The following NCOA6 variants were observed in gnomAD, a reference collection of about 807,000 sequenced individuals.
NCOA6 encodes the protein nuclear receptor coactivator 6, also known as NRC RAP250.
In NCOA6, 49 loss-of-function variants were observed where a neutral mutation model predicts 171.4. That is an observed-to-expected ratio of 0.29 (90% CI 0.23 to 0.36). The LOEUF (loss-of-function observed/expected upper bound fraction) is 0.36, where lower values mean the gene tolerates loss of function less well. Ranked by LOEUF, NCOA6 falls within the 10% of genes least tolerant of loss-of-function variation. The pLI, the probability that NCOA6 is intolerant of heterozygous loss-of-function variation, is 1.00. For synonymous variants in NCOA6, 910 were observed against 927.5 expected (o/e 0.98, Z 0.34); for missense variants, 2,248 against 2,554.5 (o/e 0.88, Z 2.59).
At chr20:34,731,607 T>C (rs956315877) in intron 13 of NCOA6, among the ~76,000 whole-genome samples, 9 of 152,194 alleles carry the variant, frequency 5.9e-5, no homozygotes, top group Non-Finnish European at 1.0e-4. Context: ...TTCAAATAAA[T>C]GGTGGCTATT....
At chr20:34,774,458 C>T (rs1485720929) in intron 4 of NCOA6, among the ~76,000 whole-genome samples, 1 of 152,224 alleles carries the variant, frequency 6.6e-6, no homozygotes, top group Non-Finnish European at 1.5e-5. Flanking sequence ...ATTTCTCAAT[C>T]TACATATAAC....
rs73610870 is a variant in NCOA6 at position 34,755,708 on chromosome 20, T to G, written c.1529-840A>C. 1.8e-4 allele frequency among the ~76,000 whole-genome samples: 28 copies of G among 152,308 alleles called. No individual in the cohort carries two copies. The East Asian group carries it at 5.4e-3, about 29-fold the overall frequency. ...TCAAGACCTAAACTCACTTAAAAAT[T>G]TATTACATTCATTCATTTATTTATT... On this transcript the variant is annotated intron_variant, in intron 7 of 14. Transcript: ENST00000359003.
At position 34,790,539 on chromosome 20, in the gene NCOA6, TAA is replaced by T. The variant is rs1568858410; in HGVS notation, c.-50+1909_-50+1910del. Among the ~76,000 whole-genome samples, 4 of 152,100 alleles carry T rather than the reference TAA, an allele frequency of 2.6e-5. No homozygotes were observed. The East Asian group carries it at 7.7e-4, about 29-fold the overall frequency. On this transcript the variant is annotated intron_variant, in intron 2 of 14. Transcript: ENST00000359003. ...CCAGCTAATTTTTTTGCATTTTTAG[TAA>T]AGACAGGGTTTCACCGTGTTAGCCA...
At chr20:34,751,553 C>T (rs2076488982) in intron 8 of NCOA6, among the ~76,000 whole-genome samples, 1 of 151,978 alleles carries the variant, frequency 6.6e-6, no homozygotes, top group South Asian at 2.1e-4. Context: ...CAGGTGTCCT[C>T]TGCCCTGATG....
intron 1 of NCOA6, among the ~76,000 whole-genome samples, chr20:34,822,453 C>T (rs2079034682): frequency 6.6e-6 from 1 of 152,168 alleles, no homozygotes; most frequent in Non-Finnish European, 1.5e-5. Context: ...ATTCCTGTAT[C>T]TTTTAGGACA....
At chr20:34,758,586 A>G (rs959454627) in intron 6 of NCOA6, among the ~76,000 whole-genome samples, 4 of 152,218 alleles carry the variant, frequency 2.6e-5, no homozygotes, top group Admixed American at 2.0e-4. Flanking sequence ...GCCAAGGCAC[A>G]CTTTTAGAAA....
intron 12 of NCOA6, among the ~76,000 whole-genome samples, chr20:34,735,358 T>C (rs926869561): frequency 1.3e-5 from 2 of 152,022 alleles, no homozygotes; most frequent in African/African-American, 4.8e-5. Context: ...AGAATCTGGG[T>C]GGCTGGGCCG....
At chr20:34,821,232 G>A (rs1328386114) in intron 1 of NCOA6, 2 of 152,096 alleles carry the variant, frequency 1.3e-5, no homozygotes, top group East Asian at 1.9e-4. Flanking sequence ...TCTCTGTCAC[G>A]ACTACTCAAC....
chr20:34,766,411 G>A (rs1266112768), intron 5 of NCOA6, among the ~76,000 whole-genome samples: 1 of 152,000 alleles, frequency 6.6e-6, no homozygotes, highest in Non-Finnish European at 1.5e-5. Flanking sequence ...GAGCCCAGGA[G>A]TTCAACCAGC....
At chr20:34,782,601 C>A (rs912673463) in intron 2 of NCOA6, among the ~76,000 whole-genome samples, 197 bp from the exon 3 acceptor site, 1 of 152,074 alleles carries the variant, frequency 6.6e-6, no homozygotes, top group Admixed American at 6.6e-5. Context: ...AATAAAAATA[C>A]ACTAGTCTTA....
chr20:34,811,731 T>G (rs141972107), intron 1 of NCOA6, among the ~76,000 whole-genome samples: 4 of 152,206 alleles, frequency 2.6e-5, no homozygotes, highest in African/African-American at 9.6e-5. Context: ...GAAACAACAT[T>G]ATTTCATGAA....
chr20:34,715,362 A>T lies in NCOA6; in HGVS notation c.6152T>A (p.Ile2051Lys), dbSNP rs1402800755. Reference protein sequence around the residue: ...PASASSSTKDITSAVQSKRRK... With the variant: ...PASASSSTKDKTSAVQSKRRK... ...TCGCTTGGATTGCACCGCACTGGTT[A>T]TGTCTGTGGGGGAAAGAAAGGACAT... The change falls in exon 15 of 15, where the codon ATA (isoleucine) becomes AAA (lysine). Residue 2051 changes from isoleucine to lysine, a missense_variant. By Grantham distance (102) the Ile-to-Lys change is moderately radical (BLOSUM62 -3). Around this residue, in one of 7 missense-constraint regions of NCOA6, gnomAD observed 884 missense variants for 941.9 expected, o/e 0.94. Coordinates refer to ENST00000359003, the MANE Select transcript of NCOA6 (RefSeq NM_014071.5). 1 of 1,612,376 alleles carries T rather than the reference A, an allele frequency of 6.2e-7. No individual in the cohort carries two copies. Among genetic ancestry groups the T allele is most frequent in the Non-Finnish European group, 8.5e-7 (1 of 1,178,414 alleles).
chr20:34,821,000 G>A (rs1015328244), intron 1 of NCOA6: 1 of 152,142 alleles, frequency 6.6e-6, no homozygotes, highest in East Asian at 1.9e-4. Flanking sequence ...TGCCATCACT[G>A]ACTGATATAA....
chr20:34,756,434 G>C (rs1049112280), intron 7 of NCOA6, among the ~76,000 whole-genome samples: 1 of 152,132 alleles, frequency 6.6e-6, no homozygotes, highest in Non-Finnish European at 1.5e-5. Context: ...TTGGTGGGGA[G>C]TATGTTTATC....
At chr20:34,818,798 G>A (rs2078919543) in intron 1 of NCOA6, among the ~76,000 whole-genome samples, 1 of 152,144 alleles carries the variant, frequency 6.6e-6, no homozygotes, top group African/African-American at 2.4e-5. Flanking sequence ...CCAGTTTCCA[G>A]AATACATGGT....
chr20:34,779,465 G>A (rs546995001), intron 3 of NCOA6, among the ~76,000 whole-genome samples: 2 of 152,316 alleles, frequency 1.3e-5, no homozygotes, highest in East Asian at 3.9e-4. Flanking sequence ...AGTGAGCTGA[G>A]ATCATGCCAC....
In NCOA6 at chr20:34,743,129, G is replaced by C. The variant is rs142432255; in HGVS notation, c.3127C>G (p.Pro1043Ala). The change falls in exon 11 of 15, where the codon CCC becomes GCC. Residue 1043 changes from proline (P) to alanine (A), a missense_variant. Coordinates refer to ENST00000359003, the MANE Select transcript of NCOA6 (RefSeq NM_014071.5). The part of the protein sequence containing the change: ...MMMMLMMQQD[P>A]KSVRLPVSQN... ...GAGACTGGAAGCCTAACTGATTTGG[G>C]ATCCTGCTGCATCATGAGCATCATC... 18 of 1,613,834 alleles carry C rather than the reference G, an allele frequency of 1.1e-5. No homozygotes were observed. In the African/African-American group the frequency reaches 2.1e-4, roughly 19 times the overall value.
intron 14 of NCOA6, among the ~76,000 whole-genome samples, chr20:34,726,545 G>A (rs1048112046): frequency 2.6e-5 from 4 of 152,132 alleles, no homozygotes; most frequent in African/African-American, 4.8e-5. Context: ...AGCACTTTAG[G>A]AAGCTGAGAT....
intron 2 of NCOA6, among the ~76,000 whole-genome samples, chr20:34,785,078 T>C (rs2077632295): frequency 6.6e-6 from 1 of 151,878 alleles, no homozygotes; most frequent in Non-Finnish European, 1.5e-5. Flanking sequence ...CAAGACTTCA[T>C]CTCAAAAATA....
Sources: gnomAD v4.1 joint callset for allele counts (sites outside exome capture counted in the v4.1 genomes callset) on GRCh38, gnomAD v4.1.1 for gene constraint, gnomAD v4.1.1 regional missense constraint, MANE v1.5 for transcripts, NCBI Gene and HGNC (gene_info 2026-07-23, HGNC 2026-07-21) for gene names.